Variants in PRDM10 observed in about 807,000 individuals in gnomAD.
The protein encoded by PRDM10 is PR domain zinc finger protein 10.
PRDM10 carries 65 observed loss-of-function variants against 133.1 expected under a neutral mutation model. The observed-to-expected ratio is 0.49, with a 90% CI of 0.40 to 0.60. The LOEUF (loss-of-function observed/expected upper bound fraction) is 0.60, where lower values mean the gene tolerates loss of function less well. Ranked by LOEUF, PRDM10 falls within the 20% of genes least tolerant of loss-of-function variation. The probability of loss-of-function intolerance (pLI) is 0.00; values close to 1 mark genes in which losing one functional copy is unlikely to be tolerated. For synonymous variants in PRDM10, 582 were observed against 580.4 expected, an observed-to-expected ratio of 1.00 and a Z score of -0.04; for missense variants, 1,137 against 1,507.1, an observed-to-expected ratio of 0.75 and a Z score of 4.07.
At chr11:129,939,208 C>T (rs1383162839) in intron 7 of PRDM10, among the ~76,000 whole-genome samples, 2 of 152,160 alleles carry the variant, frequency 1.3e-5, no homozygotes, top group Admixed American at 6.5e-5. Context: ...AATACAGGTT[C>T]CCTGAACATA....
In PRDM10 at chr11:129,905,647, C is replaced by G. The variant is rs79404802; in HGVS notation, c.3258G>C (p.Ala1086=). The G allele has an allele frequency of 1.9e-6, 3 of 1,613,794 alleles. No homozygotes were observed. The highest frequency in any genetic ancestry group is 2.5e-6 in the Non-Finnish European group (3 of 1,179,826). The change falls in exon 20 of 21, where the codon GCG becomes GCC. Residue 1086 remains alanine (A), a synonymous_variant. Transcript: ENST00000360871. ...ATPVTTGQVK[A]VTSGHYVLSE... is the part of the protein sequence containing the mutation. The stretch of plus-strand genomic sequence containing the variant: ...GAGTAGCGTAGCTTACCGAAGTAAC[C>G]GCCTTCACCTGGCCAGTAGTAACTG...
intron 1 of PRDM10, among the ~76,000 whole-genome samples, chr11:129,961,445 CG>C (rs71471499): frequency 6.6e-6 from 1 of 152,100 alleles, no homozygotes; most frequent in Admixed American, 6.5e-5. Flanking sequence ...GCTGGGACTA[CG>C]GGCACGAGCA....
chr11:129,944,874 C>T lies in PRDM10; in HGVS notation c.659G>A (p.Gly220Glu). Residue 220 changes from glycine to glutamate, a missense_variant, in exon 6 of 21, where the codon GGG becomes GAG. By Grantham distance (98) the Gly-to-Glu change is moderately conservative. Transcript: ENST00000360871. ...LVLYIDRFLG[G>E]VFSKRRIPKR... ...GGGGATGCGCCGCTTGGAGAACACCCCGCCCAGAAACCTGTCTATGTAGAG... is the reference window on the plus strand; with the variant it reads ...GGGGATGCGCCGCTTGGAGAACACCTCGCCCAGAAACCTGTCTATGTAGAG... 1 of 1,614,164 alleles carries T rather than the reference C, an allele frequency of 6.2e-7. No individual in the cohort carries two copies. Among genetic ancestry groups the T allele is most frequent in the East Asian group, 2.2e-5 (1 of 44,860 alleles).
In PRDM10 at chr11:129,997,586, A is replaced by AG. The variant is rs1939131075; in HGVS notation, c.-119+5135dup. 3.9e-5 allele frequency among the ~76,000 whole-genome samples: 6 copies of AG among 152,232 alleles called. No individual in the cohort carries two copies. The South Asian group carries it at 1.2e-3, about 31-fold the overall frequency. On this transcript the variant is annotated intron_variant, in intron 1 of 20. Transcript: ENST00000360871. ...TTGTGGTCTTTTTCTAAATCACAGG[A>AG]GAAAAAAATGTAAGTTCAATGTTCT...
chr11:129,949,281 T>A (rs1457204817), intron 4 of PRDM10, among the ~76,000 whole-genome samples: 1 of 152,234 alleles, frequency 6.6e-6, no homozygotes, highest in Non-Finnish European at 1.5e-5. Flanking sequence ...AACCTCAGTT[T>A]CTTTGTCTGT....
intron 1 of PRDM10, among the ~76,000 whole-genome samples, chr11:129,966,648 A>G (rs1187518783): frequency 1.3e-5 from 2 of 152,208 alleles, no homozygotes; most frequent in East Asian, 3.8e-4. Context: ...TAACCAACCG[A>G]GGCCCTTACA....
intron 9 of PRDM10, among the ~76,000 whole-genome samples, chr11:129,932,464 T>C (rs1950901285): frequency 1.3e-5 from 2 of 152,318 alleles, no homozygotes; most frequent in South Asian, 2.1e-4. Context: ...AGAAAAGAGC[T>C]ATAAAAATTC....
chr11:129,986,585 T>C (rs1184598703), intron 1 of PRDM10, among the ~76,000 whole-genome samples: 7 of 152,136 alleles, frequency 4.6e-5, no homozygotes, highest in Non-Finnish European at 1.0e-4. Flanking sequence ...AACGGGATTT[T>C]GCCATGTTGG....
At chr11:129,998,508 A>G (rs1441131439) in intron 1 of PRDM10, among the ~76,000 whole-genome samples, 6 of 152,340 alleles carry the variant, frequency 3.9e-5, no homozygotes, top group African/African-American at 1.4e-4. Flanking sequence ...TTAGCAATCC[A>G]TATAAGGTTC....
chr11:129,915,600 C>T, intron 16 of PRDM10, 60 bp downstream of exon 16: 1 of 1,504,498 alleles, frequency 6.6e-7, no homozygotes, highest in Non-Finnish European at 8.9e-7. Context: ...AGCCACCTTT[C>T]CTTAAGAGAT....
chr11:129,999,244 C>G (rs1349953897), intron 1 of PRDM10, among the ~76,000 whole-genome samples: 1 of 152,120 alleles, frequency 6.6e-6, no homozygotes, highest in Non-Finnish European at 1.5e-5. Flanking sequence ...CAATGAGGGC[C>G]AAAATAAGTC....
intron 7 of PRDM10, among the ~76,000 whole-genome samples, chr11:129,938,474 T>A (rs768335739): frequency 2.0e-5 from 3 of 152,218 alleles, no homozygotes; most frequent in Non-Finnish European, 4.4e-5. Context: ...TGCTTCTATA[T>A]GCCTTTAGCA....
At chr11:129,927,575 G>C (rs1007249099) in intron 11 of PRDM10, among the ~76,000 whole-genome samples, 4 of 152,052 alleles carry the variant, frequency 2.6e-5, no homozygotes, top group African/African-American at 9.7e-5. Flanking sequence ...TCAGTCTTCT[G>C]TCATTTCTGA....
At chr11:129,916,553 G>A (rs1413838195) in intron 15 of PRDM10, among the ~76,000 whole-genome samples, 7 of 152,194 alleles carry the variant, frequency 4.6e-5, no homozygotes, top group Admixed American at 3.3e-4. Flanking sequence ...CAGGAGAATC[G>A]CTTGAACCCA....
chr11:129,960,229 C>G (rs1951770801), intron 2 of PRDM10, among the ~76,000 whole-genome samples: 1 of 152,080 alleles, frequency 6.6e-6, no homozygotes, highest in African/African-American at 2.4e-5. Context: ...TGTATGTTTA[C>G]TACAATGTTT....
intron 1 of PRDM10, among the ~76,000 whole-genome samples, chr11:129,984,917 A>G (rs1591695095): frequency 6.6e-6 from 1 of 152,184 alleles, no homozygotes. Flanking sequence ...CTCAGGGTCA[A>G]TGCTACCTCC....
chr11:129,963,240 G>T (rs977053817), intron 1 of PRDM10, among the ~76,000 whole-genome samples: 1 of 151,306 alleles, frequency 6.6e-6, no homozygotes. Context: ...GACATAAAAG[G>T]CTCAGTAATT....
chr11:129,917,617 T>C (rs1184510485), intron 14 of PRDM10, among the ~76,000 whole-genome samples: 2 of 152,208 alleles, frequency 1.3e-5, no homozygotes, highest in Non-Finnish European at 2.9e-5. Context: ...ACTAAGAACA[T>C]GGAATGAGAT....
chr11:129,902,415 G>A lies in PRDM10; in HGVS notation c.3369C>T (p.Ser1123=). Residue 1123 remains serine, a synonymous_variant, in exon 21 of 21, where the codon TCC becomes TCT. Coordinates refer to ENST00000360871, the MANE Select transcript of PRDM10 (RefSeq NM_199437.2). ...VQVEPPAHSD[S]LDPQTNSQQQ... is the part of the protein sequence containing the mutation. ...GTTGGCTGTTGGTCTGGGGGTCCAG[G>A]GAGTCACTGTGTGCAGGTGGCTCGA... The A allele has an allele frequency of 1.2e-6, 2 of 1,614,148 alleles. No individual in the cohort carries two copies. The highest frequency in any genetic ancestry group is 1.7e-6 in the Non-Finnish European group (2 of 1,180,014).
Sources: allele counts gnomAD v4.1 joint callset (sites outside exome capture counted in the v4.1 genomes callset), GRCh38; gene constraint gnomAD v4.1.1; transcripts MANE v1.5; gene names NCBI Gene and HGNC (gene_info 2026-07-23, HGNC 2026-07-21).